Variants in PRICKLE2 observed in about 807,000 individuals in gnomAD.
PRICKLE2 encodes the protein prickle planar cell polarity protein 2.
In PRICKLE2, 21 loss-of-function variants were observed where a neutral mutation model predicts 81.4. The observed-to-expected ratio is 0.26, with a 90% CI of 0.18 to 0.37. The LOEUF is 0.37. PRICKLE2 is among the 10% of genes least tolerant of loss of function. PRICKLE2 has a pLI of 1.00. For synonymous variants in PRICKLE2, 456 were observed against 421.5 expected, an observed-to-expected ratio of 1.08 and a Z score of -1.00; for missense variants, 940 against 1,109.0, an observed-to-expected ratio of 0.85 and a Z score of 2.16.
intron 2 of PRICKLE2, among the ~76,000 whole-genome samples, chr3:64,166,563 A>G (rs772833786): frequency 1.3e-5 from 2 of 152,200 alleles, no homozygotes; most frequent in African/African-American, 2.4e-5. Flanking sequence ...GTCAACTTTT[A>G]TAATTCAAGC....
chr3:64,193,714 T>C (rs1411502169), intron 2 of PRICKLE2, among the ~76,000 whole-genome samples: 1 of 152,138 alleles, frequency 6.6e-6, no homozygotes, highest in Non-Finnish European at 1.5e-5. Flanking sequence ...ATTGAATCAT[T>C]GGGGCAGGTC....
intron 4 of PRICKLE2, among the ~76,000 whole-genome samples, chr3:64,159,428 T>C (rs2077694896): frequency 6.6e-6 from 1 of 152,236 alleles, no homozygotes; most frequent in Non-Finnish European, 1.5e-5. Context: ...TGCTCAATTC[T>C]TCCAATGGCT....
intron 2 of PRICKLE2, among the ~76,000 whole-genome samples, chr3:64,233,548 C>T (rs1403681448): frequency 6.6e-6 from 1 of 152,168 alleles, no homozygotes; most frequent in Non-Finnish European, 1.5e-5. Flanking sequence ...ATGTGGCTTG[C>T]TCTGTCACTA....
At chr3:64,245,451 A>T (rs1308577675) in intron 2 of PRICKLE2, among the ~76,000 whole-genome samples, 2 of 152,192 alleles carry the variant, frequency 1.3e-5, no homozygotes, top group East Asian at 3.9e-4. Context: ...GAGTACTCTG[A>T]AACACATATT....
chr3:64,104,322 GAAAGA>G (rs1319082019), intron 7 of PRICKLE2, among the ~76,000 whole-genome samples: 1 of 152,188 alleles, frequency 6.6e-6, no homozygotes, highest in Non-Finnish European at 1.5e-5. Flanking sequence ...AGTAAGAAAG[GAAAGA>G]AAACATCTTC....
intron 6 of PRICKLE2, among the ~76,000 whole-genome samples, chr3:64,151,463 C>T (rs1451350805): frequency 6.6e-6 from 1 of 152,192 alleles, no homozygotes; most frequent in Non-Finnish European, 1.5e-5. Flanking sequence ...GTACATGCTG[C>T]AGCAACAGAG....
intron 2 of PRICKLE2, among the ~76,000 whole-genome samples, chr3:64,261,822 G>A (rs1391428222): frequency 2.0e-5 from 3 of 152,082 alleles, no homozygotes; most frequent in Non-Finnish European, 4.4e-5. Flanking sequence ...CACAGGTCAC[G>A]GCAAAGTGTT....
intron 2 of PRICKLE2, among the ~76,000 whole-genome samples, chr3:64,173,251 T>C (rs913054934): frequency 6.6e-6 from 1 of 152,192 alleles, no homozygotes; most frequent in Non-Finnish European, 1.5e-5. Flanking sequence ...CCAATTTCCA[T>C]AGGGTATGTG....
intron 5 of PRICKLE2, among the ~76,000 whole-genome samples, chr3:64,155,858 G>T (rs1333521000): frequency 2.0e-5 from 3 of 152,104 alleles, no homozygotes; most frequent in African/African-American, 7.2e-5. Context: ...AGTTGCCAGG[G>T]GCTAGGGAAA....
upstream of PRICKLE2, among the ~76,000 whole-genome samples, chr3:64,228,362 A>C (rs1238833507): frequency 6.6e-6 from 1 of 152,208 alleles, no homozygotes; most frequent in Non-Finnish European, 1.5e-5. Context: ...GGGATGGCAC[A>C]AAAGCATGCT....
intron 1 of PRICKLE2, among the ~76,000 whole-genome samples, chr3:64,216,857 T>C (rs1241272967): frequency 6.6e-6 from 1 of 152,102 alleles, no homozygotes; most frequent in Admixed American, 6.6e-5. Context: ...CACTTCGGAG[T>C]GGCCCAACCT....
At chr3:64,209,909 G>C (rs1270361436) in intron 1 of PRICKLE2, among the ~76,000 whole-genome samples, 1 of 152,234 alleles carries the variant, frequency 6.6e-6, no homozygotes, top group Non-Finnish European at 1.5e-5. Flanking sequence ...GAGTTGTGAT[G>C]AGAAGACTAT....
At chr3:64,149,098 C>T (rs577199172) in intron 6 of PRICKLE2, among the ~76,000 whole-genome samples, 3 of 152,306 alleles carry the variant, frequency 2.0e-5, no homozygotes, top group Admixed American at 6.5e-5. Context: ...GACAGGCCTG[C>T]GCCAGGTTTA....
At chr3:64,261,548 G>A (rs1008728692) in intron 2 of PRICKLE2, among the ~76,000 whole-genome samples, 2 of 152,136 alleles carry the variant, frequency 1.3e-5, no homozygotes, top group African/African-American at 2.4e-5. Flanking sequence ...TGTGGGCTGT[G>A]GAGTGTAGTC....
At chr3:64,213,554 A>C (rs1439788039) in intron 1 of PRICKLE2, among the ~76,000 whole-genome samples, 1 of 152,152 alleles carries the variant, frequency 6.6e-6, no homozygotes, top group Non-Finnish European at 1.5e-5. Flanking sequence ...TTTATAGATG[A>C]AGAAAGTGAA....
At chr3:64,168,061 T>C (rs1454385111) in intron 2 of PRICKLE2, among the ~76,000 whole-genome samples, 1 of 152,202 alleles carries the variant, frequency 6.6e-6, no homozygotes, top group African/African-American at 2.4e-5. Context: ...TTCAGGTGTC[T>C]CCTTCCACAC....
At chr3:64,203,678 C>T (rs992188814) in intron 1 of PRICKLE2, among the ~76,000 whole-genome samples, 15 of 151,928 alleles carry the variant, frequency 9.9e-5, no homozygotes, top group Non-Finnish European at 2.1e-4. Context: ...GAAGGATAAA[C>T]AGAAAAGAGA....
At position 64,100,023 on chromosome 3, in the gene PRICKLE2, G is replaced by A. The variant is rs111352935; in HGVS notation, c.1661-98C>T. ...CATCTATCTAGGGTCATTATATACC[G>A]TTGTGAAGTTGTGTACTGCACAAAG... On this transcript the variant is annotated intron_variant, in intron 7 of 7. Coordinates refer to ENST00000638394, the MANE Select transcript of PRICKLE2 (RefSeq NM_198859.4). 5.6e-4 allele frequency: 755 copies of A among 1,345,772 alleles called. 7 individuals carry two copies. In the African/African-American group the frequency reaches 9.6e-3, roughly 17 times the overall value. 83.4% of individuals were successfully genotyped at this position (1,345,772 alleles called of 1,614,324 possible). A position where few individuals can be genotyped will look rare whatever the true frequency, so the allele number is the denominator to read the frequency against.
At chr3:64,233,991 A>C (rs906226558) in intron 2 of PRICKLE2, among the ~76,000 whole-genome samples, 3 of 152,190 alleles carry the variant, frequency 2.0e-5, no homozygotes, top group Non-Finnish European at 4.4e-5. Context: ...CCTGTAGCTT[A>C]TATCAGAATT....
Sources: gnomAD v4.1 joint callset for allele counts (sites outside exome capture counted in the v4.1 genomes callset) on GRCh38, gnomAD v4.1.1 for gene constraint, MANE v1.5 for transcripts, NCBI Gene and HGNC (gene_info 2026-07-23, HGNC 2026-07-21) for gene names.